The following GPR161 variants were observed in gnomAD, a reference collection of about 807,000 sequenced individuals.
GPR161 encodes G-protein coupled receptor RE2.
In GPR161, 25 loss-of-function variants were observed where a neutral mutation model predicts 39.2. The ratio of observed to expected loss-of-function variants is 0.64; its 90% CI spans 0.47 to 0.89. The LOEUF (loss-of-function observed/expected upper bound fraction) is 0.89, where lower values mean the gene tolerates loss of function less well. Ranked by LOEUF, GPR161 falls within the 40% of genes least tolerant of loss-of-function variation. GPR161 has a pLI of 0.00. For missense variants in GPR161, 547 were observed against 677.8 expected (o/e 0.81, Z 2.14); for synonymous variants, 286 against 276.6 (o/e 1.03, Z -0.34).
chr1:168,107,963 CTGTT>C (rs1212515488), intron 1 of GPR161, among the ~76,000 whole-genome samples: 1 of 152,176 alleles, frequency 6.6e-6, no homozygotes, highest in Admixed American at 6.5e-5. Flanking sequence ...CTGTCTTAGT[CTGTT>C]TGCATTGCTA....
chr1:168,123,537 TACACACACACACAC>T (rs10534836), intron 1 of GPR161, among the ~76,000 whole-genome samples: 40 of 138,120 alleles, frequency 2.9e-4, no homozygotes, highest in South Asian at 1.2e-3. Context: ...TGCACATACA[TACACACACACACAC>T]ACACACACAC....
intron 5 of GPR161, 117 bp from the exon 6 acceptor site, chr1:168,085,913 C>A (rs564151030): frequency 5.8e-6 from 5 of 857,992 alleles, no homozygotes; most frequent in Non-Finnish European, 8.8e-6. Flanking sequence ...CAGTTAAGGG[C>A]GTGGGTTTCA....
At chr1:168,105,985 G>T (rs960304968) in intron 1 of GPR161, among the ~76,000 whole-genome samples, 1 of 152,156 alleles carries the variant, frequency 6.6e-6, no homozygotes, top group Non-Finnish European at 1.5e-5. Flanking sequence ...TGGATCCGCT[G>T]CCTCTACTCA....
intron 2 of GPR161, among the ~76,000 whole-genome samples, chr1:168,099,465 C>T (rs1472561938): frequency 1.3e-5 from 2 of 152,160 alleles, no homozygotes; most frequent in Non-Finnish European, 2.9e-5. Context: ...CACTGTAGGC[C>T]TCCTTCCACC....
chr1:168,104,627 AG>A lies in GPR161; in HGVS notation c.223del (p.Leu75CysfsTer11). On this transcript the variant is annotated frameshift_variant, in exon 2 of 6. Transcript: ENST00000682931. LOFTEE classifies it high-confidence loss of function. ...AAAAGGCAGCACCAACACGGACAGC[AG>A]GAAGTTGGACAGAGTCAGGCTGAAG... ...FVFSLTLSNF[L>X]LSVLVLPFVV... 1 of 1,614,168 alleles carries A rather than the reference AG, an allele frequency of 6.2e-7. No homozygotes were observed. Among genetic ancestry groups the A allele is most frequent in the Non-Finnish European group, 8.5e-7 (1 of 1,179,994 alleles).
intron 3 of GPR161, among the ~76,000 whole-genome samples, 196 bp from the exon 4 acceptor site, chr1:168,090,864 C>T (rs1694995723): frequency 6.6e-6 from 1 of 152,206 alleles, no homozygotes; most frequent in African/African-American, 2.4e-5. Flanking sequence ...GTCAGCAGCA[C>T]TCACTGGGTT....
At position 168,085,511 on chromosome 1, in the gene GPR161, C is replaced by T; in HGVS notation, c.*20G>A. The T allele has an allele frequency of 6.3e-7, 1 of 1,598,236 alleles. No homozygotes were observed. Among genetic ancestry groups the T allele is most frequent in the Non-Finnish European group, 8.6e-7 (1 of 1,168,870 alleles). ...CCGGGCCAGCCTCTCAGGCTGCAGC[C>T]CCACGGCACCCTGAGGCCCTCATCT... On this transcript the variant is annotated 3_prime_UTR_variant, in exon 6 of 6. Coordinates refer to ENST00000682931, the MANE Select transcript of GPR161 (RefSeq NM_001375883.1).
chr1:168,132,379 A>C (rs912933510), intron 1 of GPR161, among the ~76,000 whole-genome samples: 2 of 151,982 alleles, frequency 1.3e-5, no homozygotes, highest in Admixed American at 1.3e-4. Flanking sequence ...CGAGGTCAGG[A>C]GATTGAGACC....
At chr1:168,132,826 C>T (rs1050335012) in intron 1 of GPR161, among the ~76,000 whole-genome samples, 2 of 152,108 alleles carry the variant, frequency 1.3e-5, no homozygotes, top group Non-Finnish European at 2.9e-5. Flanking sequence ...CTCACTGCAA[C>T]CTCCGCCTCC....
intron 3 of GPR161, among the ~76,000 whole-genome samples, chr1:168,092,656 G>A (rs550986535): frequency 5.0e-4 from 76 of 152,300 alleles, no homozygotes; most frequent in African/African-American, 1.8e-3. Context: ...AAGAACAGGG[G>A]TGTGATTCTG....
intron 1 of GPR161, among the ~76,000 whole-genome samples, chr1:168,108,862 T>C (rs1476679095): frequency 6.6e-6 from 1 of 152,192 alleles, no homozygotes; most frequent in Non-Finnish European, 1.5e-5. Flanking sequence ...TTATACCTAT[T>C]GGACTGTAGG....
At chr1:168,096,165 G>A (rs1695516420) in intron 3 of GPR161, among the ~76,000 whole-genome samples, 1 of 144,534 alleles carries the variant, frequency 6.9e-6, no homozygotes, top group Non-Finnish European at 1.5e-5. Flanking sequence ...AAAAAAGAGA[G>A]AGAGAACTAA....
intron 2 of GPR161, among the ~76,000 whole-genome samples, chr1:168,099,838 G>GC (rs1312704784): frequency 8.6e-6 from 1 of 116,244 alleles, no homozygotes; most frequent in African/African-American, 4.6e-5. Context: ...TTTTTTTTTG[G>GC]GGGGGGGGGG....
chr1:168,136,374 G>A, intron 1 of GPR161: 3 of 1,445,240 alleles, frequency 2.1e-6, no homozygotes, highest in Non-Finnish European at 2.7e-6. Context: ...CAGAGTCCCG[G>A]GCACGCACCT....
Position 168,091,440 on chromosome 1 carries a change from C to G in GPR161, c.1100-772G>C, listed in dbSNP as rs1022109372. ...GGGCTGGAGACTGCAGAACTCTTCC[C>G]TGGGAAAATCCACCAAGCCTAGAGG... On this transcript the variant is annotated intron_variant, in intron 3 of 5. Transcript: ENST00000682931. Among the ~76,000 whole-genome samples the G allele has an allele frequency of 2.6e-5, 4 of 152,170 alleles. No individual in the cohort carries two copies. The East Asian group carries it at 7.7e-4, about 29-fold the overall frequency.
intron 1 of GPR161, among the ~76,000 whole-genome samples, chr1:168,107,708 T>C (rs537673906): frequency 7.9e-5 from 12 of 152,318 alleles, no homozygotes; most frequent in South Asian, 4.1e-4. Context: ...CACAGAAAGA[T>C]ATGCCCATGG....
At chr1:168,104,419 G>T in intron 2 of GPR161, 58 bp downstream of exon 2, 1 of 1,418,206 alleles carries the variant, frequency 7.1e-7, no homozygotes, top group Non-Finnish European at 9.8e-7. Context: ...GAGGGACACT[G>T]CACCAGATGA....
intron 1 of GPR161, chr1:168,136,182 TG>T (rs1323104683): frequency 1.6e-6 from 2 of 1,271,336 alleles, no homozygotes; most frequent in Non-Finnish European, 2.0e-6. Flanking sequence ...GGGCCACTTC[TG>T]GGCGCGCCAC....
chr1:168,086,887 T>C (rs1235833683), intron 5 of GPR161, among the ~76,000 whole-genome samples: 1 of 152,204 alleles, frequency 6.6e-6, no homozygotes, highest in East Asian at 1.9e-4. Flanking sequence ...CCTAAAACTC[T>C]GACAGAGGCC....
Sources: gnomAD v4.1 joint callset for allele counts (sites outside exome capture counted in the v4.1 genomes callset) on GRCh38, gnomAD v4.1.1 for gene constraint, MANE v1.5 for transcripts, NCBI Gene and HGNC (gene_info 2026-07-23, HGNC 2026-07-21) for gene names.